Variants in PTPRK observed in about 807,000 individuals in gnomAD.
PTPRK encodes receptor-type tyrosine-protein phosphatase kappa.
Under a neutral mutation model 178.0 loss-of-function variants are expected in PTPRK, and 75 were observed. The observed-to-expected ratio is 0.42, with a 90% confidence interval of 0.35 to 0.51. The LOEUF (loss-of-function observed/expected upper bound fraction) is 0.51. PTPRK is among the 20% of genes least tolerant of loss of function. The pLI, the probability that PTPRK is intolerant of heterozygous loss-of-function variation, is 0.02. For missense variants in PTPRK, 1,441 were observed against 1,797.8 expected, an observed-to-expected ratio of 0.80 and a Z score of 3.59; for synonymous variants, 637 against 620.6, an observed-to-expected ratio of 1.03 and a Z score of -0.39.
chr6:128,390,809 A>T (rs962191292), intron 2 of PTPRK, among the ~76,000 whole-genome samples: 1 of 152,164 alleles, frequency 6.6e-6, no homozygotes, highest in African/African-American at 2.4e-5. Flanking sequence ...TGAAGATTAG[A>T]AGATACATGT....
At chr6:128,419,131 T>C (rs1232033868) in intron 1 of PTPRK, among the ~76,000 whole-genome samples, 2 of 152,250 alleles carry the variant, frequency 1.3e-5, no homozygotes, top group Non-Finnish European at 2.9e-5. Flanking sequence ...TGAATGCTTT[T>C]AATGTTTTTG....
At chr6:128,458,390 T>C (rs892683112) in intron 1 of PTPRK, among the ~76,000 whole-genome samples, 3 of 152,178 alleles carry the variant, frequency 2.0e-5, no homozygotes, top group African/African-American at 7.2e-5. Flanking sequence ...TCCTTACAGA[T>C]ATGAGTATGC....
chr6:128,400,061 A>G (rs2128370833), intron 1 of PTPRK, among the ~76,000 whole-genome samples: 1 of 152,320 alleles, frequency 6.6e-6, no homozygotes. Context: ...TTAAGGGCAA[A>G]TACAGTATAC....
chr6:128,062,619 A>G (rs1461115622), intron 13 of PTPRK: 1 of 166,942 alleles, frequency 6.0e-6, no homozygotes, highest in African/African-American at 2.4e-5. Context: ...TAGCATAATG[A>G]TAAGATAGTT....
At chr6:128,030,544 T>C (rs538276433) in intron 13 of PTPRK, among the ~76,000 whole-genome samples, 1 of 152,334 alleles carries the variant, frequency 6.6e-6, no homozygotes, top group Non-Finnish European at 1.5e-5. Flanking sequence ...GGATATTTCT[T>C]AGTTGCTGTT....
At chr6:128,027,149 A>C (rs1774448441) in intron 13 of PTPRK, among the ~76,000 whole-genome samples, 1 of 152,194 alleles carries the variant, frequency 6.6e-6, no homozygotes, top group Non-Finnish European at 1.5e-5. Context: ...GCAAGAGAAG[A>C]AAATACCTAT....
chr6:128,081,811 T>C (rs957676608), intron 10 of PTPRK, among the ~76,000 whole-genome samples: 3 of 152,106 alleles, frequency 2.0e-5, no homozygotes, highest in Admixed American at 6.6e-5. Context: ...GTTTAACTGA[T>C]GATCTGACTG....
In PTPRK at chr6:128,050,986, CT is replaced by C. The variant is rs200504117; in HGVS notation, c.2194+13771del. Among the ~76,000 whole-genome samples the C allele has an allele frequency of 5.6e-3, 850 of 152,280 alleles. 5 individuals carry two copies. The highest frequency in any genetic ancestry group is 0.019 in the African/African-American group (799 of 41,560). On this transcript the variant is annotated intron_variant, in intron 13 of 29. Coordinates refer to ENST00000368226, the MANE Select transcript of PTPRK (RefSeq NM_002844.4). Reference sequence around the variant, plus strand: ...TTCAAACTTTTAAAAATTTCCTGGTCTCTTGTTCCACATCTGATACTTGTAC... The same window carrying C: ...TTCAAACTTTTAAAAATTTCCTGGTCCTTGTTCCACATCTGATACTTGTAC...
intron 11 of PTPRK, among the ~76,000 whole-genome samples, chr6:128,070,365 A>G (rs929024447): frequency 5.3e-5 from 8 of 152,032 alleles, no homozygotes; most frequent in Non-Finnish European, 8.8e-5. Context: ...AAGTGATAGT[A>G]TTTGGAGAGG....
At chr6:128,481,134 G>C (rs200653670) in intron 1 of PTPRK, among the ~76,000 whole-genome samples, 1 of 141,434 alleles carries the variant, frequency 7.1e-6, no homozygotes. Flanking sequence ...AGAGAGAGAG[G>C]AAAAAAAAAA....
At chr6:128,159,259 T>G (rs1798352206) in intron 7 of PTPRK, among the ~76,000 whole-genome samples, 1 of 151,878 alleles carries the variant, frequency 6.6e-6, no homozygotes, top group Non-Finnish European at 1.5e-5. Context: ...AATTCAATAT[T>G]AGGTGTAATT....
At chr6:128,109,618 T>G (rs904083038) in intron 7 of PTPRK, among the ~76,000 whole-genome samples, 2 of 152,168 alleles carry the variant, frequency 1.3e-5, no homozygotes, top group Admixed American at 6.6e-5. Flanking sequence ...CTTAAATACT[T>G]GAAAACTTGG....
chr6:128,486,732 C>T (rs776914494), intron 1 of PTPRK, among the ~76,000 whole-genome samples: 1 of 151,348 alleles, frequency 6.6e-6, no homozygotes, highest in African/African-American at 2.4e-5. Flanking sequence ...GAGCTGAGAT[C>T]GTGCCACTGC....
intron 7 of PTPRK, among the ~76,000 whole-genome samples, chr6:128,117,640 A>T (rs1791763347): frequency 6.6e-6 from 1 of 152,112 alleles, no homozygotes; most frequent in South Asian, 2.1e-4. Flanking sequence ...AGTTTTCAGG[A>T]TATAAATATT....
chr6:128,237,363 T>C (rs1583627057), intron 5 of PTPRK, among the ~76,000 whole-genome samples: 1 of 152,308 alleles, frequency 6.6e-6, no homozygotes, highest in South Asian at 2.1e-4. Context: ...CAGTGACCTT[T>C]CATTGAGTGC....
At position 128,174,537 on chromosome 6, in the gene PTPRK, C is replaced by T. The variant is rs1338160363; in HGVS notation, c.1162+9895G>A. On this transcript the variant is annotated intron_variant, in intron 7 of 29. Transcript: ENST00000368226. The stretch of plus-strand genomic sequence containing the variant: ...TGCATGTTCCTTTGTTTAAAATATA[C>T]TTGTAAATATATATAAATTTATTTC... Among the ~76,000 whole-genome samples, 6 of 151,914 alleles carry T rather than the reference C, an allele frequency of 3.9e-5. No homozygotes were observed. The East Asian group carries it at 9.7e-4, about 24-fold the overall frequency.
intron 8 of PTPRK, 131 bp downstream of exon 8, chr6:128,089,559 A>C (rs1380682314): frequency 9.9e-7 from 1 of 1,006,884 alleles, no homozygotes; most frequent in African/African-American, 1.6e-5. Flanking sequence ...TTCCAAAGTT[A>C]ATCTCATTAA....
chr6:127,998,475 A>T (rs2114682701), intron 16 of PTPRK, among the ~76,000 whole-genome samples: 1 of 152,144 alleles, frequency 6.6e-6, no homozygotes, highest in South Asian at 2.1e-4. Flanking sequence ...AAAATAAATT[A>T]CGGAATCCAA....
At chr6:128,410,390 A>G (rs1842168202) in intron 1 of PTPRK, among the ~76,000 whole-genome samples, 1 of 152,190 alleles carries the variant, frequency 6.6e-6, no homozygotes. Flanking sequence ...CCCCTTTAAC[A>G]ATCTATAAAA....
Sources: gnomAD v4.1 joint callset for allele counts (sites outside exome capture counted in the v4.1 genomes callset) on GRCh38, gnomAD v4.1.1 for gene constraint, MANE v1.5 for transcripts, NCBI Gene and HGNC (gene_info 2026-07-23, HGNC 2026-07-21) for gene names.